TMEM68: variants seen among roughly 807,000 people sequenced by gnomAD.
TMEM68 encodes transmembrane protein 68, also known as DGAT1/2-independent enzyme synthesizing storage lipids.
TMEM68 carries 25 observed loss-of-function variants against 36.9 expected under a neutral mutation model. That is an observed-to-expected ratio of 0.68 (90% CI 0.49 to 0.95). TMEM68 has a LOEUF of 0.95. TMEM68 is among the 40% of genes least tolerant of loss of function. The pLI, the probability that TMEM68 is intolerant of heterozygous loss-of-function variation, is 0.00. For synonymous variants in TMEM68, 131 were observed against 124.4 expected (o/e 1.05, Z -0.35); for missense variants, 333 against 392.0 (o/e 0.85, Z 1.27).
chr8:55,757,367 A>G (rs892880306), intron 3 of TMEM68, among the ~76,000 whole-genome samples: 1 of 152,182 alleles, frequency 6.6e-6, no homozygotes, highest in Non-Finnish European at 1.5e-5. Flanking sequence ...TTAAAGTCCC[A>G]CGGTAGGCTA....
intron 3 of TMEM68, 111 bp downstream of exon 3, chr8:55,762,524 C>T (rs1810827483): frequency 6.5e-7 from 1 of 1,534,344 alleles, no homozygotes; most frequent in East Asian, 2.3e-5. Flanking sequence ...TAGTAAATAT[C>T]ACTTCTATTA....
In TMEM68 at chr8:55,740,123, C is replaced by G. The variant is rs200294454; in HGVS notation, c.*9G>C. On this transcript the variant is annotated 3_prime_UTR_variant, in exon 8 of 8. Transcript: ENST00000434581. ...TGTACTAAATCATCTTCTAGTTGACCCTTTGTTATCAATGAAAACGTTCTA... is the reference window on the plus strand; with the variant it reads ...TGTACTAAATCATCTTCTAGTTGACGCTTTGTTATCAATGAAAACGTTCTA... 2 of 1,606,044 alleles carry G rather than the reference C, an allele frequency of 1.2e-6. No homozygotes were observed. The highest frequency in any genetic ancestry group is 2.7e-5 in the African/African-American group (2 of 74,586).
intron 1 of TMEM68, among the ~76,000 whole-genome samples, chr8:55,769,651 G>C (rs914856731): frequency 1.4e-5 from 2 of 145,106 alleles, no homozygotes; most frequent in Non-Finnish European, 3.0e-5. Flanking sequence ...TTTTTTTTTT[G>C]AGACAGAGTC....
intron 4 of TMEM68, among the ~76,000 whole-genome samples, chr8:55,751,936 C>T (rs551234360): frequency 3.9e-5 from 6 of 152,244 alleles, no homozygotes; most frequent in East Asian, 1.9e-4. Context: ...TGGTCAGGCA[C>T]GGTGGCTCAC....
chr8:55,740,191 C>T lies in TMEM68; in HGVS notation c.916G>A (p.Asp306Asn). 6 of 1,613,360 alleles carry T rather than the reference C, an allele frequency of 3.7e-6. No individual in the cohort carries two copies. Among genetic ancestry groups the T allele is most frequent in the Non-Finnish European group, 5.1e-6 (6 of 1,179,784 alleles). ...KTKNAVQALI[D>N]KHQRIPGNIM... ...TTTCCTGGTATTCTTTGGTGCTTAT[C>T]AATCAAAGCTTGAACAGCATTCTTC... The change falls in exon 8 of 8, where the codon GAT becomes AAT. Residue 306 changes from aspartate to asparagine, a missense_variant. Transcript: ENST00000434581.
chr8:55,758,304 TG>T (rs1344222067), intron 3 of TMEM68, among the ~76,000 whole-genome samples: 1 of 152,212 alleles, frequency 6.6e-6, no homozygotes, highest in Non-Finnish European at 1.5e-5. Context: ...ACCAATGGCC[TG>T]ACAGATTCTT....
intron 1 of TMEM68, among the ~76,000 whole-genome samples, chr8:55,765,310 TA>T (rs1451604099): frequency 6.6e-6 from 1 of 152,166 alleles, no homozygotes; most frequent in African/African-American, 2.4e-5. Context: ...TCAGAATCCT[TA>T]ATTCTTTCAA....
At position 55,743,747 on chromosome 8, in the gene TMEM68, A is replaced by C. The variant is rs74449132; in HGVS notation, c.749-127T>G. 3.9e-3 allele frequency: 2,986 copies of C among 775,216 alleles called. 63 individuals carry two copies. In the East Asian group the frequency reaches 0.043, roughly 11 times the overall value. 48.0% of individuals were successfully genotyped at this position (775,216 alleles called of 1,614,324 possible). On this transcript the variant is annotated intron_variant, in intron 6 of 7. Transcript: ENST00000434581. ...AAAGTATCACTTCTTGGCAATTAAT[A>C]CAATTTTTTTAAAAAGAAGAGCTTT...
chr8:55,741,241 A>G (rs1341686662), intron 7 of TMEM68, among the ~76,000 whole-genome samples: 1 of 152,114 alleles, frequency 6.6e-6, no homozygotes, highest in Non-Finnish European at 1.5e-5. Context: ...TCAAAACAAA[A>G]CAAAACAAAA....
intron 3 of TMEM68, among the ~76,000 whole-genome samples, chr8:55,759,107 A>C (rs1810694332): frequency 6.6e-6 from 1 of 152,052 alleles, no homozygotes; most frequent in South Asian, 2.1e-4. Flanking sequence ...ATGAGTCATA[A>C]AATAATTCAT....
chr8:55,763,388 T>A (rs892275623), intron 2 of TMEM68: 1 of 153,314 alleles, frequency 6.5e-6, no homozygotes, highest in African/African-American at 2.4e-5. Context: ...CACATTGAGA[T>A]AATTTTTTTT....
intron 2 of TMEM68, 22 bp from the exon 3 acceptor site, chr8:55,763,050 G>A (rs977837257): frequency 3.2e-5 from 43 of 1,364,296 alleles, no homozygotes; most frequent in Non-Finnish European, 3.8e-5. Context: ...AAATAATCCA[G>A]TATTATTTTC....
chr8:55,759,872 C>G (rs1310649904), intron 3 of TMEM68, among the ~76,000 whole-genome samples: 3 of 152,230 alleles, frequency 2.0e-5, no homozygotes, highest in Non-Finnish European at 4.4e-5. Flanking sequence ...AAGAAAATCT[C>G]TGTCCTGTAG....
chr8:55,758,088 G>C (rs1585723919), intron 3 of TMEM68, among the ~76,000 whole-genome samples: 1 of 152,132 alleles, frequency 6.6e-6, no homozygotes. Context: ...CGCAGGAGGG[G>C]CGTGAAGAGA....
At chr8:55,749,442 A>C (rs1406037087) in intron 5 of TMEM68, among the ~76,000 whole-genome samples, 5 of 152,144 alleles carry the variant, frequency 3.3e-5, no homozygotes, top group Non-Finnish European at 5.9e-5. Flanking sequence ...TCCAGAGGGG[A>C]TACTTGTGCC....
intron 4 of TMEM68, among the ~76,000 whole-genome samples, chr8:55,755,606 T>A (rs969126186): frequency 7.4e-6 from 1 of 135,416 alleles, no homozygotes; most frequent in African/African-American, 2.7e-5. Flanking sequence ...TTTTTTTTTT[T>A]ACTAATTTTA....
intron 3 of TMEM68, among the ~76,000 whole-genome samples, chr8:55,758,154 A>C (rs1810663409): frequency 6.6e-6 from 1 of 152,050 alleles, no homozygotes; most frequent in Non-Finnish European, 1.5e-5. Context: ...CAACCAAAAA[A>C]TCCCTCTACT....
intron 1 of TMEM68, among the ~76,000 whole-genome samples, chr8:55,769,018 T>TTAAAAAAAAAAAAACAA (rs1554556017): frequency 1.2e-5 from 1 of 82,094 alleles, no homozygotes; most frequent in Non-Finnish European, 2.4e-5. Context: ...ACTCTGTCTT[T>TTAAAAAAAAAAAAACAA]AAAAAAAAAA....
rs1409564158 is a variant in TMEM68 at position 55,738,875 on chromosome 8, G to T, written c.*1257C>A. ...TTTAAAAAAGGGAGAGGGAGATACT[G>T]CATTTGATTTCTGACACTTTTCTGT... On this transcript the variant is annotated 3_prime_UTR_variant, in exon 8 of 8. Transcript: ENST00000434581. The T allele has an allele frequency of 1.3e-5, 2 of 152,552 alleles. No homozygotes were observed. Among genetic ancestry groups the T allele is most frequent in the African/African-American group, 4.8e-5 (2 of 41,418 alleles). The allele number at this position is 152,552 out of a possible 1,614,324, so 9.4% of individuals were successfully genotyped here. A position where few individuals can be genotyped will look rare whatever the true frequency, so the allele number is the denominator to read the frequency against.
Sources: gnomAD v4.1 joint callset for allele counts (sites outside exome capture counted in the v4.1 genomes callset) on GRCh38, gnomAD v4.1.1 for gene constraint, MANE v1.5 for transcripts, NCBI Gene and HGNC (gene_info 2026-07-23, HGNC 2026-07-21) for gene names.